DHRS7B: variants seen among roughly 807,000 people sequenced by gnomAD.
DHRS7B encodes peroxisomal reductase activating PPAR-gamma.
DHRS7B carries 24 observed loss-of-function variants against 26.4 expected under a neutral mutation model. The ratio of observed to expected loss-of-function variants is 0.91; its 90% confidence interval spans 0.66 to 1.28. DHRS7B has a LOEUF of 1.28. Among genes scored for constraint, DHRS7B ranks in the 50% most tolerant of loss-of-function variants. The probability of loss-of-function intolerance (pLI) is 0.00; values close to 1 mark genes in which losing one functional copy is unlikely to be tolerated. For missense variants in DHRS7B, 368 were observed against 419.4 expected (o/e 0.88, Z 1.07); for synonymous variants, 142 against 166.4 (o/e 0.85, Z 1.13).
At chr17:21,188,647 T>C (rs909921091) in intron 5 of DHRS7B, 64 bp from the exon 6 acceptor site, 1 of 1,480,244 alleles carries the variant, frequency 6.8e-7, no homozygotes, top group Middle Eastern at 2.3e-4. Context: ...TAGTGAATAG[T>C]TGGGCACCAG....
chr17:21,136,283 CAA>C (rs371222472), intron 1 of DHRS7B, among the ~76,000 whole-genome samples: 2,392 of 136,518 alleles, frequency 0.018, 66 homozygotes, highest in African/African-American at 0.063. Context: ...GCCTGGGCAA[CAA>C]GAGCAAAACT....
At chr17:21,185,072 T>C (rs1974601917) in intron 5 of DHRS7B, among the ~76,000 whole-genome samples, 1 of 152,198 alleles carries the variant, frequency 6.6e-6, no homozygotes, top group African/African-American at 2.4e-5. Flanking sequence ...TTTTTCCCCC[T>C]CAGTCTTTGA....
At chr17:21,140,458 A>G (rs1973472736) in intron 1 of DHRS7B, among the ~76,000 whole-genome samples, 1 of 147,294 alleles carries the variant, frequency 6.8e-6, no homozygotes, top group African/African-American at 2.5e-5. Flanking sequence ...TGGGTTATAG[A>G]AATTTTAAAG....
chr17:21,168,621 A>G (rs113027523), intron 1 of DHRS7B: 14 of 658,672 alleles, frequency 2.1e-5, no homozygotes, highest in African/African-American at 1.8e-4. Context: ...CCCCTACCTC[A>G]GCCTCCCAAA....
At chr17:21,151,969 T>TC (rs1053589738) in intron 1 of DHRS7B, among the ~76,000 whole-genome samples, 6 of 152,198 alleles carry the variant, frequency 3.9e-5, no homozygotes, top group African/African-American at 1.2e-4. Flanking sequence ...GTGGCATCTT[T>TC]CCCCCTTGTT....
intron 1 of DHRS7B, among the ~76,000 whole-genome samples, chr17:21,157,965 T>C (rs1597742173): frequency 1.3e-5 from 2 of 151,734 alleles, no homozygotes; most frequent in Non-Finnish European, 2.9e-5. Flanking sequence ...ATAATAATAA[T>C]CCATCACATC....
At chr17:21,168,436 T>C (rs1483489296) in intron 1 of DHRS7B, among the ~76,000 whole-genome samples, 1 of 152,128 alleles carries the variant, frequency 6.6e-6, no homozygotes, top group African/African-American at 2.4e-5. Context: ...TGGTGCAATC[T>C]TGGCTCACTG....
At chr17:21,152,009 T>C (rs1973782886) in intron 1 of DHRS7B, among the ~76,000 whole-genome samples, 1 of 152,190 alleles carries the variant, frequency 6.6e-6, no homozygotes, top group Non-Finnish European at 1.5e-5. Context: ...AACTACTCCC[T>C]GTTCACCATC....
chr17:21,188,164 G>T (rs1974692183), intron 5 of DHRS7B, among the ~76,000 whole-genome samples: 1 of 152,000 alleles, frequency 6.6e-6, no homozygotes, highest in South Asian at 2.1e-4. Flanking sequence ...TTTTAACTTG[G>T]AATAACTTCA....
intron 1 of DHRS7B, chr17:21,166,505 G>A (rs2144085318): frequency 1.0e-6 from 1 of 981,798 alleles, no homozygotes; most frequent in Non-Finnish European, 1.2e-6. Context: ...TCCAGTCGAA[G>A]GCGGCCTTAA....
At chr17:21,185,931 G>A (rs1018579533) in intron 5 of DHRS7B, among the ~76,000 whole-genome samples, 1 of 152,066 alleles carries the variant, frequency 6.6e-6, no homozygotes, top group Non-Finnish European at 1.5e-5. Flanking sequence ...CAAGTGATCC[G>A]CCCACCTCAG....
chr17:21,163,794 T>C (rs1379698195), intron 1 of DHRS7B, among the ~76,000 whole-genome samples: 1 of 152,076 alleles, frequency 6.6e-6, no homozygotes, highest in Non-Finnish European at 1.5e-5. Context: ...TCTCAAGTGA[T>C]CCTCCCACTT....
chr17:21,140,422 A>T (rs1026226333), intron 1 of DHRS7B, among the ~76,000 whole-genome samples: 2 of 150,102 alleles, frequency 1.3e-5, no homozygotes, highest in African/African-American at 4.9e-5. Context: ...CAAAGTTTAC[A>T]TTATAAGGTG....
chr17:21,181,575 C>T (rs1211645888), intron 3 of DHRS7B, among the ~76,000 whole-genome samples: 1 of 152,168 alleles, frequency 6.6e-6, no homozygotes, highest in Non-Finnish European at 1.5e-5. Context: ...GATAAGGAAG[C>T]TCCCACAATA....
chr17:21,175,780 T>C (rs1412118389), intron 2 of DHRS7B, among the ~76,000 whole-genome samples: 1 of 151,872 alleles, frequency 6.6e-6, no homozygotes, highest in Non-Finnish European at 1.5e-5. Flanking sequence ...TCTACAAAAG[T>C]TAGCCAAGCA....
At chr17:21,173,794 T>C (rs1477638526) in intron 2 of DHRS7B, among the ~76,000 whole-genome samples, 2 of 152,130 alleles carry the variant, frequency 1.3e-5, no homozygotes, top group African/African-American at 2.4e-5. Context: ...AGCAGCCACT[T>C]CTCTTGAGCT....
At chr17:21,180,256 G>A (rs1032611210) in intron 3 of DHRS7B, among the ~76,000 whole-genome samples, 1 of 151,980 alleles carries the variant, frequency 6.6e-6, no homozygotes, top group Non-Finnish European at 1.5e-5. Context: ...TGTATTTTTA[G>A]TAGAGATTGG....
At chr17:21,168,488 C>T (rs998410178) in intron 1 of DHRS7B, among the ~76,000 whole-genome samples, 2 of 152,130 alleles carry the variant, frequency 1.3e-5, no homozygotes, top group East Asian at 3.9e-4. Context: ...CCCACCTCAG[C>T]CTCCCAAGAA....
intron 1 of DHRS7B, among the ~76,000 whole-genome samples, chr17:21,142,208 C>T (rs1248924236): frequency 6.6e-6 from 1 of 152,148 alleles, no homozygotes. Flanking sequence ...ATCGATTGAG[C>T]AAGCCAGAGG....
Sources: gnomAD v4.1 joint callset for allele counts (sites outside exome capture counted in the v4.1 genomes callset) on GRCh38, gnomAD v4.1.1 for gene constraint, MANE v1.5 for transcripts, NCBI Gene and HGNC (gene_info 2026-07-23, HGNC 2026-07-21) for gene names.